Variants in TGM2 observed in about 807,000 individuals in gnomAD.
TGM2 encodes protein-glutamine gamma-glutamyltransferase 2.
TGM2 carries 53 observed loss-of-function variants against 75.6 expected under a neutral mutation model. That is an observed-to-expected ratio of 0.70 (90% CI 0.56 to 0.88). TGM2 has a LOEUF of 0.88. TGM2 is among the 40% of genes least tolerant of loss of function. TGM2 has a pLI of 0.00. For synonymous variants in TGM2, 374 were observed against 381.1 expected, an observed-to-expected ratio of 0.98 and a Z score of 0.22; for missense variants, 842 against 928.5, an observed-to-expected ratio of 0.91 and a Z score of 1.21.
rs2074941665 is a variant in TGM2 at position 38,139,446 on chromosome 20, C to T, written c.1308G>A (p.Arg436=). The change falls in exon 9 of 13, where the codon CGG becomes CGA. Residue 436 remains arginine (R), a synonymous_variant. Transcript: ENST00000361475. Reference sequence around the variant, plus strand: ...ATTTGTAGGTGTGGGTGATATCCTCCCGCTCGTCTCGGCCCACGCTCTTAG... The same window carrying T: ...ATTTGTAGGTGTGGGTGATATCCTCTCGCTCGTCTCGGCCCACGCTCTTAG... ...ISTKSVGRDE[R]EDITHTYKYP... is the part of the protein sequence containing the mutation. 2 of 1,614,062 alleles carry T rather than the reference C, an allele frequency of 1.2e-6. No individual in the cohort carries two copies. The highest frequency in any genetic ancestry group is 1.7e-6 in the Non-Finnish European group (2 of 1,180,038).
At chr20:38,137,422 C>T (rs1327737036) in intron 10 of TGM2, among the ~76,000 whole-genome samples, 4 of 152,134 alleles carry the variant, frequency 2.6e-5, no homozygotes, top group Admixed American at 6.5e-5. Context: ...CACTGCACTG[C>T]AGACTGGGCA....
At chr20:38,167,813 C>A (rs559830613), upstream of TGM2, among the ~76,000 whole-genome samples, 2 of 152,324 alleles carry the variant, frequency 1.3e-5, no homozygotes, top group Admixed American at 1.3e-4. Flanking sequence ...GTTCATTACA[C>A]AGAGTGGGTA....
intron 6 of TGM2, among the ~76,000 whole-genome samples, chr20:38,143,254 C>G (rs573068996): frequency 1.3e-5 from 2 of 152,152 alleles, no homozygotes; most frequent in Non-Finnish European, 1.5e-5. Context: ...GCACAGAGGT[C>G]GGGAGACCCA....
At chr20:38,135,198 G>T (rs1388728608) in intron 10 of TGM2, among the ~76,000 whole-genome samples, 1 of 152,154 alleles carries the variant, frequency 6.6e-6, no homozygotes, top group African/African-American at 2.4e-5. Context: ...AAGTGATTTT[G>T]GTGTGTCTGG....
chr20:38,137,899 T>A, intron 10 of TGM2: 1 of 1,157,172 alleles, frequency 8.6e-7, no homozygotes, highest in Non-Finnish European at 1.2e-6. Context: ...TCTACTCATC[T>A]GGAAAACGGA....
chr20:38,132,884 C>T (rs977579689), intron 10 of TGM2: 4 of 459,692 alleles, frequency 8.7e-6, no homozygotes, highest in African/African-American at 4.0e-5. Context: ...CTGGTGCGCT[C>T]GGGACTCAGG....
chr20:38,152,403 T>A (rs975563825), intron 3 of TGM2, among the ~76,000 whole-genome samples: 1 of 152,202 alleles, frequency 6.6e-6, no homozygotes, highest in African/African-American at 2.4e-5. Context: ...TCTATAAAAA[T>A]TAACCTTGAA....
intron 4 of TGM2, among the ~76,000 whole-genome samples, chr20:38,150,663 C>T (rs1265078501): frequency 6.6e-6 from 1 of 152,218 alleles, no homozygotes; most frequent in Non-Finnish European, 1.5e-5. Flanking sequence ...TCCCTCTTCC[C>T]CCTCCCAGGA....
At chr20:38,146,409 G>A (rs191820028) in intron 6 of TGM2, 2 of 471,362 alleles carry the variant, frequency 4.2e-6, no homozygotes, top group Non-Finnish European at 7.8e-6. Flanking sequence ...AGCAAGTGGT[G>A]GGAGGGAGGG....
intron 5 of TGM2, 98 bp downstream of exon 5, chr20:38,147,863 T>C: frequency 6.6e-7 from 1 of 1,519,716 alleles, no homozygotes; most frequent in Non-Finnish European, 8.9e-7. Flanking sequence ...ATCTCCCGGG[T>C]CCCCCACCGC....
intron 6 of TGM2, chr20:38,146,459 C>T (rs941637697): frequency 5.4e-6 from 3 of 556,590 alleles, no homozygotes; most frequent in Admixed American, 3.3e-5. Context: ...TTTTTGAGAA[C>T]GTGGGCTCCA....
rs1354662643 is a variant in TGM2 at position 38,161,400 on chromosome 20, G to C, written c.190+20C>G. ...TGGTGGTGGTGGTGGTGGTGGTGGA[G>C]TGGGGTTGCAGGTACTCACCGGTCA... On this transcript the variant is annotated intron_variant, in intron 2 of 12. Transcript: ENST00000361475. The C allele has an allele frequency of 6.2e-7, 1 of 1,613,124 alleles. No individual in the cohort carries two copies. The highest frequency in any genetic ancestry group is 2.2e-5 in the East Asian group (1 of 44,838).
intron 3 of TGM2, among the ~76,000 whole-genome samples, chr20:38,153,524 C>CAAAAAAAAAAA (rs1231793414): frequency 3.3e-4 from 21 of 63,880 alleles, no homozygotes; most frequent in East Asian, 7.5e-4. Flanking sequence ...GCCTTGGTCT[C>CAAAAAAAAAAA]AAAAAAAAGA....
intron 4 of TGM2, 147 bp from the exon 5 acceptor site, chr20:38,148,236 G>A: frequency 9.6e-7 from 1 of 1,046,406 alleles, no homozygotes; most frequent in Non-Finnish European, 1.4e-6. Context: ...AATCTCTCTG[G>A]TGGCAGCTTC....
chr20:38,162,739 C>T (rs1375598024), intron 1 of TGM2, among the ~76,000 whole-genome samples: 1 of 152,104 alleles, frequency 6.6e-6, no homozygotes, highest in Non-Finnish European at 1.5e-5. Context: ...CCTTTAAAGG[C>T]ATATACTGAA....
At position 38,128,470 on chromosome 20, in the gene TGM2, GA is replaced by G. The variant is rs1168948778; in HGVS notation, c.*1748del. 6.6e-6 allele frequency: 1 copy of G among 152,156 alleles called. No individual in the cohort carries two copies. The highest frequency in any genetic ancestry group is 1.5e-5 in the Non-Finnish European group (1 of 68,040). The allele number at this position is 152,156 out of a possible 1,614,324, so 9.4% of individuals were successfully genotyped here. On this transcript the variant is annotated 3_prime_UTR_variant, in exon 13 of 13. Coordinates refer to ENST00000361475, the MANE Select transcript of TGM2 (RefSeq NM_004613.4). Reference sequence around the variant, plus strand: ...AACAGACCAGACCTAGTTTGAGTGTGAAAAATAAACTATTTTATTTCAGTGT... The same window carrying G: ...AACAGACCAGACCTAGTTTGAGTGTGAAAATAAACTATTTTATTTCAGTGT...
At chr20:38,146,936 G>T in intron 5 of TGM2, 42 bp from the exon 6 acceptor site, 1 of 1,597,626 alleles carries the variant, frequency 6.3e-7, no homozygotes. Context: ...CCTGGGATGG[G>T]GTGTCGGCTG....
At chr20:38,143,450 G>A (rs925824948) in intron 6 of TGM2, among the ~76,000 whole-genome samples, 2 of 152,218 alleles carry the variant, frequency 1.3e-5, no homozygotes, top group African/African-American at 4.8e-5. Context: ...TCCGGAGGGA[G>A]GGCCCTGCAT....
In TGM2 at chr20:38,138,315, T is replaced by C. The variant is rs150010822; in HGVS notation, c.1413A>G (p.Thr471=). Residue 471 remains threonine, a synonymous_variant, in exon 10 of 13, where the codon ACA becomes ACG. Coordinates refer to ENST00000361475, the MANE Select transcript of TGM2 (RefSeq NM_004613.4). ...CCACACGGATCCGCATGGCCATCCC[T>C]GTCTCCTCCTTCTCGGCCAGTTTGT... ...HLNKLAEKEE[T]GMAMRIRVGQ... 158 of 1,614,098 alleles carry C rather than the reference T, an allele frequency of 9.8e-5. No homozygotes were observed. Among genetic ancestry groups the C allele is most frequent in the Non-Finnish European group, 1.3e-4 (151 of 1,180,038 alleles).
Sources: gnomAD v4.1 joint callset for allele counts (sites outside exome capture counted in the v4.1 genomes callset) on GRCh38, gnomAD v4.1.1 for gene constraint, MANE v1.5 for transcripts, NCBI Gene and HGNC (gene_info 2026-07-23, HGNC 2026-07-21) for gene names.